Variants in GRIN2A observed in about 807,000 individuals in gnomAD.
GRIN2A encodes glutamate ionotropic receptor NMDA type subunit 2A, also known as glutamate receptor ionotropic, NMDA 2A.
Under a neutral mutation model 113.4 loss-of-function variants are expected in GRIN2A, and 22 were observed. That is an observed-to-expected ratio of 0.19 (90% CI 0.14 to 0.28). The LOEUF is 0.28. GRIN2A is among the 10% of genes least tolerant of loss of function. GRIN2A has a pLI of 1.00. For synonymous variants in GRIN2A, 827 were observed against 738.4 expected (o/e 1.12, Z -1.94); for missense variants, 1,502 against 1,887.0 (o/e 0.80, Z 3.78).
intron 2 of GRIN2A, among the ~76,000 whole-genome samples, chr16:9,976,829 G>A (rs1263471020): frequency 1.3e-5 from 2 of 152,120 alleles, no homozygotes; most frequent in African/African-American, 2.4e-5. Context: ...CTATCCATCC[G>A]GTGGCCAGCC....
At chr16:9,917,997 C>A (rs1359468123) in intron 3 of GRIN2A, among the ~76,000 whole-genome samples, 1 of 152,090 alleles carries the variant, frequency 6.6e-6, no homozygotes, top group African/African-American at 2.4e-5. Context: ...CTTGGTTATT[C>A]CGAGAATTAT....
At chr16:10,151,908 C>A (rs2049586053) in intron 2 of GRIN2A, among the ~76,000 whole-genome samples, 1 of 152,212 alleles carries the variant, frequency 6.6e-6, no homozygotes, top group Admixed American at 6.5e-5. Context: ...TTTCCCAAGG[C>A]AGCTGCAGGT....
chr16:9,977,587 G>A (rs2141761566), intron 2 of GRIN2A, among the ~76,000 whole-genome samples: 1 of 152,328 alleles, frequency 6.6e-6, no homozygotes, highest in South Asian at 2.1e-4. Flanking sequence ...CTCCAAAGCT[G>A]AGAGTGGAAG....
chr16:9,828,435 T>C (rs922839132), intron 9 of GRIN2A, among the ~76,000 whole-genome samples: 4 of 152,252 alleles, frequency 2.6e-5, no homozygotes, highest in Non-Finnish European at 5.9e-5. Context: ...TTTCCATGGA[T>C]TGATTTTCTA....
chr16:10,037,565 G>A (rs948898679), intron 2 of GRIN2A, among the ~76,000 whole-genome samples: 2 of 152,156 alleles, frequency 1.3e-5, no homozygotes, highest in African/African-American at 4.8e-5. Flanking sequence ...CCCTTAGCAT[G>A]ATATTCAAGG....
chr16:10,086,655 A>G (rs529180164), intron 2 of GRIN2A, among the ~76,000 whole-genome samples: 4 of 151,812 alleles, frequency 2.6e-5, no homozygotes, highest in South Asian at 2.1e-4. Flanking sequence ...ATCTGGCTAC[A>G]TATCTACCTG....
chr16:9,958,376 G>A (rs933559986), intron 2 of GRIN2A, among the ~76,000 whole-genome samples: 9 of 151,942 alleles, frequency 5.9e-5, no homozygotes, highest in Admixed American at 1.3e-4. Flanking sequence ...AAACCAGACC[G>A]TGAATTGCCA....
At chr16:9,820,384 T>C (rs868314865) in intron 10 of GRIN2A, among the ~76,000 whole-genome samples, 5 of 152,226 alleles carry the variant, frequency 3.3e-5, no homozygotes, top group Admixed American at 6.5e-5. Flanking sequence ...AATTGGTCTT[T>C]TCAGGTATCT....
intron 2 of GRIN2A, among the ~76,000 whole-genome samples, chr16:9,961,268 G>T (rs1162404423): frequency 6.6e-6 from 1 of 151,984 alleles, no homozygotes; most frequent in Non-Finnish European, 1.5e-5. Context: ...GAAATACGCA[G>T]CTACAACCCA....
intron 10 of GRIN2A, among the ~76,000 whole-genome samples, chr16:9,802,083 G>T (rs1903396699): frequency 6.6e-6 from 1 of 152,158 alleles, no homozygotes; most frequent in South Asian, 2.1e-4. Flanking sequence ...TGCTGGCAAG[G>T]TTGTGAAGAA....
At chr16:10,092,703 G>C (rs2048203553) in intron 2 of GRIN2A, among the ~76,000 whole-genome samples, 1 of 152,120 alleles carries the variant, frequency 6.6e-6, no homozygotes, top group Non-Finnish European at 1.5e-5. Context: ...GATGGGTTAA[G>C]TGACTTGTCC....
chr16:9,812,954 A>G (rs2042113382), intron 10 of GRIN2A, among the ~76,000 whole-genome samples: 1 of 152,210 alleles, frequency 6.6e-6, no homozygotes, highest in Non-Finnish European at 1.5e-5. Flanking sequence ...AAAGAAAACC[A>G]TAAGTTGTTA....
intron 2 of GRIN2A, among the ~76,000 whole-genome samples, chr16:10,121,839 T>A (rs1002328586): frequency 2.6e-5 from 4 of 152,206 alleles, no homozygotes; most frequent in Non-Finnish European, 5.9e-5. Context: ...AATATAGCAC[T>A]GGCCTTGGCT....
chr16:10,142,879 G>C (rs1330797159), intron 2 of GRIN2A, among the ~76,000 whole-genome samples: 1 of 152,088 alleles, frequency 6.6e-6, no homozygotes, highest in Non-Finnish European at 1.5e-5. Flanking sequence ...ATACAACTCT[G>C]ATCCTGGTGC....
intron 3 of GRIN2A, among the ~76,000 whole-genome samples, chr16:9,928,170 T>C (rs2044506125): frequency 1.3e-5 from 2 of 152,122 alleles, no homozygotes; most frequent in South Asian, 4.1e-4. Flanking sequence ...CGGGGGCTCA[T>C]TCACACCTGC....
At chr16:9,824,443 A>G (rs1453820437) in intron 9 of GRIN2A, among the ~76,000 whole-genome samples, 2 of 152,204 alleles carry the variant, frequency 1.3e-5, no homozygotes, top group African/African-American at 4.8e-5. Flanking sequence ...GAGATGGCCT[A>G]TTTGACTAAA....
chr16:9,906,646 C>A (rs1011621616), intron 3 of GRIN2A, among the ~76,000 whole-genome samples: 7 of 152,168 alleles, frequency 4.6e-5, no homozygotes, highest in African/African-American at 1.7e-4. Context: ...CTCCTGGAGG[C>A]AAACAACTCA....
intron 3 of GRIN2A, among the ~76,000 whole-genome samples, chr16:9,918,440 TG>T (rs1238306178): frequency 6.6e-6 from 1 of 152,204 alleles, no homozygotes; most frequent in East Asian, 1.9e-4. Flanking sequence ...TATAACAATA[TG>T]CTAGAATAAA....
chr16:10,135,251 A>G (rs1469726784), intron 2 of GRIN2A, among the ~76,000 whole-genome samples: 3 of 152,222 alleles, frequency 2.0e-5, no homozygotes, highest in Non-Finnish European at 2.9e-5. Context: ...CCTTTCCTCC[A>G]GTTTTCAATA....
Sources: allele counts gnomAD v4.1 joint callset (sites outside exome capture counted in the v4.1 genomes callset), GRCh38; gene constraint gnomAD v4.1.1; transcripts MANE v1.5; gene names NCBI Gene and HGNC (gene_info 2026-07-23, HGNC 2026-07-21).